TRERF1: variants seen among roughly 807,000 people sequenced by gnomAD.
The protein encoded by TRERF1 is transcriptional regulating factor 1.
TRERF1 carries 27 observed loss-of-function variants against 122.9 expected under a neutral mutation model. That is an observed-to-expected ratio of 0.22 (90% CI 0.16 to 0.30). The LOEUF (loss-of-function observed/expected upper bound fraction) is 0.30, where lower values mean the gene tolerates loss of function less well. Ranked by LOEUF, TRERF1 falls within the 10% of genes least tolerant of loss-of-function variation. The pLI is 1.00. For synonymous variants in TRERF1, 636 were observed against 641.7 expected, an observed-to-expected ratio of 0.99 and a Z score of 0.13; for missense variants, 1,248 against 1,560.3, an observed-to-expected ratio of 0.80 and a Z score of 3.37.
At chr6:42,446,708 AC>A (rs1394331956) in intron 2 of TRERF1, among the ~76,000 whole-genome samples, 2 of 152,218 alleles carry the variant, frequency 1.3e-5, no homozygotes, top group Non-Finnish European at 2.9e-5. Flanking sequence ...CATTAAAAAA[AC>A]CCTCGTTCCG....
chr6:42,310,802 G>A (rs992924006), intron 3 of TRERF1, among the ~76,000 whole-genome samples: 1 of 152,178 alleles, frequency 6.6e-6, no homozygotes, highest in Non-Finnish European at 1.5e-5. Flanking sequence ...TACTCTCCAA[G>A]AAAGCAGGTG....
At chr6:42,240,648 A>G (rs750915798) in intron 15 of TRERF1, among the ~76,000 whole-genome samples, 4 of 152,226 alleles carry the variant, frequency 2.6e-5, no homozygotes, top group Admixed American at 2.0e-4. Flanking sequence ...TTAACGCTGC[A>G]TCTAAGACTT....
intron 2 of TRERF1, among the ~76,000 whole-genome samples, chr6:42,416,177 CTCT>C (rs1230596171): frequency 6.6e-6 from 1 of 151,972 alleles, no homozygotes. Context: ...TTACTGAATT[CTCT>C]TGTTTGTCTT....
Position 42,263,607 on chromosome 6 carries a change from C to T in TRERF1, c.1636-39G>A, listed in dbSNP as rs1458183616. On this transcript the variant is annotated intron_variant, in intron 7 of 17. Coordinates refer to ENST00000372922, the Ensembl canonical transcript of TRERF1. This position sits in a 1 kb window ranked among gnomAD's most constrained non-coding sequence, Gnocchi z 5.6. ...AAAGGCTTTGATCCTGGGCTGAGAG[C>T]AGCTCTCACAAGGGGGATGCACTTT... 1.4e-6 allele frequency: 2 copies of T among 1,454,520 alleles called. No homozygotes were observed. The highest frequency in any genetic ancestry group is 2.5e-5 in the Admixed American group (1 of 39,856). The allele number at this position is 1,454,520 out of a possible 1,614,324, so 90.1% of individuals were successfully genotyped here. A position where few individuals can be genotyped will look rare whatever the true frequency, so the allele number is the denominator to read the frequency against.
At chr6:42,251,082 C>T (rs760827885) in intron 13 of TRERF1, among the ~76,000 whole-genome samples, 1 of 143,596 alleles carries the variant, frequency 7.0e-6, no homozygotes, top group African/African-American at 2.6e-5. Context: ...CTATAGCCTA[C>T]GCCTCTTGGG....
rs114777702 is a variant in TRERF1, at chr6:42,337,149, C to A, written c.-371+25848G>T. On this transcript the variant is annotated intron_variant, in intron 3 of 17. Transcript: ENST00000372922. The stretch of plus-strand genomic sequence containing the variant: ...GGGAGCATGAAGGAGTTGGACATAC[C>A]CTGGACGCTGCCCAAGACCCAGCAG... Among the ~76,000 whole-genome samples the A allele has an allele frequency of 3.9e-3, 592 of 152,214 alleles. 5 individuals carry two copies. The highest frequency in any genetic ancestry group is 0.014 in the African/African-American group (567 of 41,526).
intron 2 of TRERF1, among the ~76,000 whole-genome samples, chr6:42,436,917 A>G (rs1785556785): frequency 6.7e-6 from 1 of 148,666 alleles, no homozygotes; most frequent in African/African-American, 2.5e-5. Context: ...GCTTTCAATT[A>G]TGTCTGCTCC....
intron 3 of TRERF1, among the ~76,000 whole-genome samples, chr6:42,349,801 C>T (rs1026817260): frequency 2.0e-5 from 3 of 151,990 alleles, no homozygotes; most frequent in African/African-American, 2.4e-5. Context: ...TCATGGTAAC[C>T]GCCGAAGAGC....
intron 14 of TRERF1, among the ~76,000 whole-genome samples, chr6:42,243,930 G>A (rs1008453250): frequency 2.0e-5 from 3 of 147,716 alleles, no homozygotes; most frequent in African/African-American, 7.5e-5. Flanking sequence ...CGAGGCTGGA[G>A]TGCAGTGGCA....
chr6:42,328,171 C>T (rs1764634119), intron 3 of TRERF1, among the ~76,000 whole-genome samples: 1 of 151,744 alleles, frequency 6.6e-6, no homozygotes, highest in Non-Finnish European at 1.5e-5. Flanking sequence ...CCATGCCCAG[C>T]TAATTTTTGT....
chr6:42,413,180 A>G (rs956485226), intron 2 of TRERF1, among the ~76,000 whole-genome samples: 3 of 152,186 alleles, frequency 2.0e-5, no homozygotes, highest in African/African-American at 7.2e-5. Context: ...CACCACTTCA[A>G]TAGAAAACAG....
At chr6:42,236,391 CTCT>C (rs780244789) in exon 16 of TRERF1, 20 of 1,555,096 alleles carry the variant, frequency 1.3e-5, no homozygotes, top group Admixed American at 5.9e-5. Context: ...CCTCCTCTAA[CTCT>C]TCTTCTTCTT....
At chr6:42,400,853 C>T (rs1276711592) in intron 2 of TRERF1, among the ~76,000 whole-genome samples, 3 of 152,196 alleles carry the variant, frequency 2.0e-5, no homozygotes, top group Non-Finnish European at 4.4e-5. Flanking sequence ...CAGACAGCAC[C>T]ACATTTCAGA....
chr6:42,427,259 G>A (rs909571175), intron 2 of TRERF1, among the ~76,000 whole-genome samples: 1 of 152,124 alleles, frequency 6.6e-6, no homozygotes, highest in Non-Finnish European at 1.5e-5. Context: ...TTGGTTTATT[G>A]TTTGTTAAAT....
intron 3 of TRERF1, among the ~76,000 whole-genome samples, chr6:42,335,849 G>A (rs1766063568): frequency 6.6e-6 from 1 of 152,150 alleles, no homozygotes; most frequent in South Asian, 2.1e-4. Flanking sequence ...TGCTTCCCAT[G>A]GCTTGACATT....
At chr6:42,448,339 G>C (rs1787899125) in intron 2 of TRERF1, among the ~76,000 whole-genome samples, 2 of 152,096 alleles carry the variant, frequency 1.3e-5, no homozygotes, top group African/African-American at 4.8e-5. Context: ...AATTATTTTT[G>C]GTACCTAGGA....
chr6:42,434,850 G>T (rs993740376), intron 2 of TRERF1, among the ~76,000 whole-genome samples: 1 of 152,096 alleles, frequency 6.6e-6, no homozygotes, highest in Non-Finnish European at 1.5e-5. Flanking sequence ...ACAATGGGCC[G>T]GGTGTGGTGG....
intron 3 of TRERF1, among the ~76,000 whole-genome samples, chr6:42,330,448 T>A (rs1765061445): frequency 6.6e-6 from 1 of 152,168 alleles, no homozygotes. Flanking sequence ...AAAACATAGG[T>A]TCAAAGATAT....
chr6:42,232,127 C>T lies in TRERF1; in HGVS notation c.3278+554G>A, dbSNP rs1268879258. ...AACAAATAGGTTTTATTTCATGTGT[C>T]AACTCTGATTAATTGGTTGTGCAGC... is the stretch of plus-strand genomic sequence containing the variant. On this transcript the variant is annotated intron_variant, in intron 17 of 17. Transcript: ENST00000372922. The surrounding 1 kb of genome is among the most constrained non-coding windows in gnomAD (Gnocchi z 4.5). 2.6e-5 allele frequency among the ~76,000 whole-genome samples: 4 copies of T among 152,070 alleles called. No individual in the cohort carries two copies. Among genetic ancestry groups the T allele is most frequent in the African/African-American group, 9.7e-5 (4 of 41,400 alleles).
Sources: gnomAD v4.1 joint callset for allele counts (sites outside exome capture counted in the v4.1 genomes callset) on GRCh38, gnomAD v4.1.1 for gene constraint, Gnocchi (gnomAD v3.1) non-coding constraint, MANE v1.5 for transcripts, NCBI Gene and HGNC (gene_info 2026-07-23, HGNC 2026-07-21) for gene names.